The following TBCD variants were observed in gnomAD, a reference collection of about 807,000 sequenced individuals.
TBCD encodes the protein tubulin folding cofactor D.
In TBCD, 105 loss-of-function variants were observed where a neutral mutation model predicts 169.3. That is an observed-to-expected ratio of 0.62 (90% CI 0.53 to 0.73). The LOEUF (loss-of-function observed/expected upper bound fraction) is 0.73, where lower values mean the gene tolerates loss of function less well. Ranked by LOEUF, TBCD falls within the 30% of genes least tolerant of loss-of-function variation. The pLI is 0.00. For synonymous variants in TBCD, 700 were observed against 643.9 expected (o/e 1.09, Z -1.32); for missense variants, 1,444 against 1,600.1 (o/e 0.90, Z 1.66).
At position 82,923,690 on chromosome 17, in the gene TBCD, A is replaced by C. The variant is rs543329891; in HGVS notation, c.2217A>C (p.Glu739Asp). The part of the protein sequence containing the change: ...AVSALAALCS[E>D]YYMKEPGEAD... The stretch of plus-strand genomic sequence containing the variant: ...CGGCCCTGGCTGCTCTATGCAGTGA[A>C]TATTACATGAAGGAGCCGGGGGAGG... Residue 739 changes from glutamate to aspartate, a missense_variant, in exon 26 of 39, where the codon GAA becomes GAC. By Grantham distance (45) the Glu-to-Asp change is conservative (BLOSUM62 2). Coordinates refer to ENST00000355528, the MANE Select transcript of TBCD (RefSeq NM_005993.5). The surrounding 1 kb of genome is among the most constrained non-coding windows in gnomAD (Gnocchi z 4.6). 3 of 1,597,988 alleles carry C rather than the reference A, an allele frequency of 1.9e-6. No individual in the cohort carries two copies. The African/African-American group carries it at 4.0e-5, about 21-fold the overall frequency.
intron 7 of TBCD, among the ~76,000 whole-genome samples, chr17:82,784,821 A>G (rs952888186): frequency 1.3e-5 from 2 of 152,184 alleles, no homozygotes; most frequent in Non-Finnish European, 2.9e-5. Context: ...GAAGACCATG[A>G]GCCTTACCCG....
intron 13 of TBCD, chr17:82,830,596 C>T (rs779910455): frequency 3.7e-6 from 6 of 1,613,902 alleles, no homozygotes; most frequent in Admixed American, 1.7e-5. Context: ...TTCTGCAGCT[C>T]GTGGTCGACC....
intron 9 of TBCD, 25 bp downstream of exon 9, chr17:82,801,021 G>T (rs756908866): frequency 1.9e-6 from 3 of 1,596,588 alleles, no homozygotes. Flanking sequence ...GGCGGTGCCT[G>T]GGGAGGGCCA....
chr17:82,879,735 G>C (rs963882688), intron 14 of TBCD, among the ~76,000 whole-genome samples: 1 of 152,184 alleles, frequency 6.6e-6, no homozygotes, highest in African/African-American at 2.4e-5. Flanking sequence ...TCCCCAGTCT[G>C]CTCCCCAACC....
chr17:82,790,375 G>A (rs1040792837), intron 7 of TBCD, among the ~76,000 whole-genome samples: 3 of 152,196 alleles, frequency 2.0e-5, no homozygotes, highest in African/African-American at 7.2e-5. Context: ...GGAAGCCTGT[G>A]GCCTGGGTAA....
rs60671571 is a variant in TBCD at position 82,797,962 on chromosome 17, C to CTTTTTTTTTTT, written c.817+182_817+192dup. ...TTTGTTGTGGGTTTTAGTAACTGAA[C>CTTTTTTTTTTT]TTTTTTTTTTTTTTTTTTTTTTTTT... On this transcript the variant is annotated intron_variant, in intron 8 of 38. Coordinates refer to ENST00000355528, the MANE Select transcript of TBCD (RefSeq NM_005993.5). Among the ~76,000 whole-genome samples, 42 of 49,046 alleles carry CTTTTTTTTTTT rather than the reference C, an allele frequency of 8.6e-4. 8 individuals carry two copies. The highest frequency in any genetic ancestry group is 1.4e-3 in the Non-Finnish European group (37 of 27,260). 32.2% of individuals were successfully genotyped at this position (49,046 alleles called of 152,430 possible).
intron 21 of TBCD, chr17:82,908,585 T>C: frequency 3.1e-6 from 1 of 324,760 alleles, no homozygotes; most frequent in South Asian, 2.4e-5. Context: ...CCATTAACTT[T>C]CATTATGATT....
At position 82,903,271 on chromosome 17, in the gene TBCD, G is replaced by T; in HGVS notation, c.1731-134G>T. ...CGGAGGTTCTTGTACTGGTTCGTGT[G>T]AGTGAGTGAGTGAGCCTCTGCTAAG... On this transcript the variant is annotated intron_variant, in intron 18 of 38. Coordinates refer to ENST00000355528, the MANE Select transcript of TBCD (RefSeq NM_005993.5). The surrounding 1 kb of genome is among the most constrained non-coding windows in gnomAD (Gnocchi z 4.8). 3 of 736,156 alleles carry T rather than the reference G, an allele frequency of 4.1e-6. No homozygotes were observed. Among genetic ancestry groups the T allele is most frequent in the Non-Finnish European group, 7.0e-6 (3 of 430,818 alleles). The allele number at this position is 736,156 out of a possible 1,614,324, so 45.6% of individuals were successfully genotyped here. A position where few individuals can be genotyped will look rare whatever the true frequency, so the allele number is the denominator to read the frequency against.
intron 13 of TBCD, among the ~76,000 whole-genome samples, chr17:82,845,654 C>G (rs2054975337): frequency 6.6e-6 from 1 of 151,564 alleles, no homozygotes; most frequent in South Asian, 2.1e-4. Context: ...CCAGCCCACC[C>G]CGGTCCCTTC....
intron 13 of TBCD, among the ~76,000 whole-genome samples, chr17:82,836,271 C>G (rs902942059): frequency 6.6e-6 from 1 of 152,238 alleles, no homozygotes; most frequent in South Asian, 2.1e-4. Context: ...GCCGGCATGC[C>G]TCGCCGCGCT....
intron 7 of TBCD, among the ~76,000 whole-genome samples, chr17:82,792,585 G>T (rs1177907222): frequency 6.6e-6 from 1 of 152,214 alleles, no homozygotes; most frequent in Non-Finnish European, 1.5e-5. Context: ...TTTGAGAGCT[G>T]TGTTGCCTTG....
At chr17:82,872,937 AGCCAGGCCCGGCACCTCGTGGCCGACG>A (rs2057699678) in intron 14 of TBCD, among the ~76,000 whole-genome samples, 1 of 143,994 alleles carries the variant, frequency 6.9e-6, no homozygotes, top group Non-Finnish European at 1.5e-5. Context: ...ACGGCTTCTG[AGCCAGGCCCGGCACCTCGTGGCCGACG>A]GCTTCTGAGC....
At chr17:82,780,682 T>G (rs190591650) in intron 6 of TBCD, among the ~76,000 whole-genome samples, 2,738 of 143,204 alleles carry the variant, frequency 0.019, 51 homozygotes, top group Non-Finnish European at 0.029. Flanking sequence ...TCTTGTTCTG[T>G]CTCTCAGGCT....
At position 82,890,299 on chromosome 17, in the gene TBCD, C is replaced by T. The variant is rs553457210; in HGVS notation, c.1563+602C>T. 4.6e-5 allele frequency among the ~76,000 whole-genome samples: 7 copies of T among 152,232 alleles called. No homozygotes were observed. Among genetic ancestry groups the T allele is most frequent in the South Asian group, 2.1e-4 (1 of 4,814 alleles). On this transcript the variant is annotated intron_variant, in intron 16 of 38. Transcript: ENST00000355528. The surrounding 1 kb of genome is among the most constrained non-coding windows in gnomAD (Gnocchi z 5.3). ...TCTTGCAGGAGAGTGGGACAGAGGCCGGAGAGGGGACCGGGGTCTGGGCTG... is the reference window on the plus strand; with the variant it reads ...TCTTGCAGGAGAGTGGGACAGAGGCTGGAGAGGGGACCGGGGTCTGGGCTG...
chr17:82,887,168 T>TGTGTGTGTGTGCGCGCGCGCGC, intron 15 of TBCD, among the ~76,000 whole-genome samples: 104 of 126,156 alleles, frequency 8.2e-4, no homozygotes, highest in Middle Eastern at 4.0e-3. Flanking sequence ...TGTGTGTGTG[T>TGTGTGTGTGTGCGCGCGCGCGC]GCGCGCGCGC....
At chr17:82,933,164 C>T (rs924332622) in intron 34 of TBCD, among the ~76,000 whole-genome samples, 5 of 152,056 alleles carry the variant, frequency 3.3e-5, no homozygotes, top group South Asian at 2.1e-4. Context: ...CTTGCTTCTG[C>T]GCCACGCGGA....
Position 82,927,913 on chromosome 17 carries a change from A to G in TBCD, c.2618A>G (p.Lys873Arg), listed in dbSNP as rs777199364. ...TCTCCTTGTCCCATCAGGGTCCGCA[A>G]GGCCGCCATGACCAGTCTGATGGAT... ...SRGDVGTWVR[K>R]AAMTSLMDLT... The change falls in exon 30 of 39, where the codon AAG becomes AGG. Residue 873 changes from lysine to arginine, a missense_variant. Lys to Arg is a conservative substitution (Grantham distance 26). Coordinates refer to ENST00000355528, the MANE Select transcript of TBCD (RefSeq NM_005993.5). 2 of 1,613,462 alleles carry G rather than the reference A, an allele frequency of 1.2e-6. No homozygotes were observed. The highest frequency in any genetic ancestry group is 1.7e-6 in the Non-Finnish European group (2 of 1,179,688).
At chr17:82,793,869 A>G (rs969736458) in intron 7 of TBCD, among the ~76,000 whole-genome samples, 3 of 151,828 alleles carry the variant, frequency 2.0e-5, no homozygotes, top group African/African-American at 4.8e-5. Context: ...GTTGCTTCCC[A>G]AGATACCATT....
At chr17:82,783,436 G>A (rs368436440) in intron 7 of TBCD, among the ~76,000 whole-genome samples, 18 of 152,126 alleles carry the variant, frequency 1.2e-4, no homozygotes, top group African/African-American at 3.9e-4. Flanking sequence ...TTTTCTGTGC[G>A]GTCATCACCA....
Sources: gnomAD v4.1 joint callset for allele counts (sites outside exome capture counted in the v4.1 genomes callset) on GRCh38, gnomAD v4.1.1 for gene constraint, Gnocchi (gnomAD v3.1) non-coding constraint, MANE v1.5 for transcripts, NCBI Gene and HGNC (gene_info 2026-07-23, HGNC 2026-07-21) for gene names.